The following RIMS2 variants were observed in gnomAD, a reference collection of about 807,000 sequenced individuals.
RIMS2 encodes regulating synaptic membrane exocytosis 2.
Under a neutral mutation model 174.4 loss-of-function variants are expected in RIMS2, and 59 were observed. The observed-to-expected ratio is 0.34, with a 90% confidence interval of 0.27 to 0.42. RIMS2 has a LOEUF of 0.42. Ranked by LOEUF, RIMS2 falls within the 10% of genes least tolerant of loss-of-function variation. The pLI, the probability that RIMS2 is intolerant of heterozygous loss-of-function variation, is 1.00. For synonymous variants in RIMS2, 606 were observed against 572.5 expected, an observed-to-expected ratio of 1.06 and a Z score of -0.84; for missense variants, 1,620 against 1,666.3, an observed-to-expected ratio of 0.97 and a Z score of 0.48.
chr8:103,572,350 C>T (rs932337280), intron 1 of RIMS2, among the ~76,000 whole-genome samples: 5 of 151,954 alleles, frequency 3.3e-5, no homozygotes, highest in Admixed American at 3.3e-4. Context: ...CTGCGCACGC[C>T]TTGCCGATTG....
At chr8:103,510,400 A>G (rs1044032964) in intron 1 of RIMS2, among the ~76,000 whole-genome samples, 8 of 152,142 alleles carry the variant, frequency 5.3e-5, no homozygotes, top group Non-Finnish European at 1.0e-4. Context: ...GAATTAATTA[A>G]TACTTCTATT....
chr8:103,781,738 C>CTT (rs11308922), intron 3 of RIMS2, among the ~76,000 whole-genome samples: 31 of 88,466 alleles, frequency 3.5e-4, no homozygotes, highest in African/African-American at 6.4e-4. Flanking sequence ...CTCCCCTAAT[C>CTT]TTTTTTTTTT....
In RIMS2 at chr8:104,157,377, T is replaced by C. The variant is rs992806325; in HGVS notation, c.3335-87539T>C. Among the ~76,000 whole-genome samples, 3 of 152,360 alleles carry C rather than the reference T, an allele frequency of 2.0e-5. No individual in the cohort carries two copies. In the East Asian group the frequency reaches 5.8e-4, roughly 29 times the overall value. On this transcript the variant is annotated intron_variant, in intron 19 of 23. Transcript: ENST00000504942. The stretch of plus-strand genomic sequence containing the variant: ...TCTAAAAAACATATTTTTAAAATAC[T>C]TTTAATTGTGGTAAAATACACGTGA...
At chr8:103,785,554 T>G (rs2154435747) in intron 3 of RIMS2, among the ~76,000 whole-genome samples, 1 of 152,300 alleles carries the variant, frequency 6.6e-6, no homozygotes, top group Admixed American at 6.5e-5. Flanking sequence ...TTGGTTCTGT[T>G]TATATGCTGG....
intron 3 of RIMS2, among the ~76,000 whole-genome samples, chr8:103,835,005 A>G (rs984567627): frequency 4.0e-5 from 6 of 151,828 alleles, no homozygotes; most frequent in African/African-American, 1.5e-4. Context: ...TCCTGGACTC[A>G]AGCGATCTGC....
At chr8:103,511,658 A>G (rs1826492079) in intron 1 of RIMS2, among the ~76,000 whole-genome samples, 1 of 152,236 alleles carries the variant, frequency 6.6e-6, no homozygotes, top group Non-Finnish European at 1.5e-5. Flanking sequence ...AATAAAGTAG[A>G]AAAAGAAAGT....
chr8:103,887,453 G>A (rs1209079697), intron 4 of RIMS2, among the ~76,000 whole-genome samples: 2 of 151,004 alleles, frequency 1.3e-5, no homozygotes. Flanking sequence ...ATCTTTAAAA[G>A]CTCTTTATTC....
chr8:103,752,920 T>C (rs200861099), intron 2 of RIMS2, among the ~76,000 whole-genome samples: 25,783 of 151,582 alleles, frequency 0.17, 3,392 homozygotes, highest in East Asian at 0.61. Context: ...ATTGAATACC[T>C]TTTATTTCCT....
intron 3 of RIMS2, among the ~76,000 whole-genome samples, chr8:103,780,175 T>A (rs2098372140): frequency 6.6e-6 from 1 of 152,160 alleles, no homozygotes; most frequent in East Asian, 1.9e-4. Context: ...TAGGATCCTC[T>A]CTTTATCCTT....
At chr8:104,015,359 G>A (rs2095870273) in intron 19 of RIMS2, 1 of 648,646 alleles carries the variant, frequency 1.5e-6, no homozygotes, top group Admixed American at 2.5e-5. Flanking sequence ...TAACCCCTGT[G>A]CTTTGGTTCC....
chr8:104,249,620 C>A, intron 22 of RIMS2, 32 bp downstream of exon 28: 1 of 1,191,890 alleles, frequency 8.4e-7, no homozygotes, highest in Non-Finnish European at 1.3e-6. Context: ...CTATTATTGT[C>A]CATAATCCAT....
At chr8:103,756,981 G>A (rs959636648) in intron 2 of RIMS2, among the ~76,000 whole-genome samples, 1 of 84,806 alleles carries the variant, frequency 1.2e-5, no homozygotes, top group Non-Finnish European at 2.5e-5. Flanking sequence ...GTGTGTGTCT[G>A]TGTGTGTGTG....
At chr8:103,863,635 TG>T (rs1350292940) in intron 3 of RIMS2, among the ~76,000 whole-genome samples, 4 of 152,046 alleles carry the variant, frequency 2.6e-5, no homozygotes. Flanking sequence ...TATTCATTTC[TG>T]GTCTGTTCAG....
chr8:104,127,010 T>A (rs976931728), intron 19 of RIMS2, among the ~76,000 whole-genome samples: 1 of 152,104 alleles, frequency 6.6e-6, no homozygotes, highest in African/African-American at 2.4e-5. Context: ...TATCTGAAAC[T>A]CAGAATAATA....
At position 103,769,627 on chromosome 8, in the gene RIMS2, C is replaced by T. The variant is rs185535506; in HGVS notation, c.698+3090C>T. On this transcript the variant is annotated intron_variant, in intron 3 of 23. Coordinates refer to ENST00000504942, the Ensembl canonical transcript of RIMS2. ...AGGCGTGAGCCACCGTGCCCGGTTG[C>T]CTATCTGTAATCTTTGAAGAAGGTG... Among the ~76,000 whole-genome samples, 6 of 151,898 alleles carry T rather than the reference C, an allele frequency of 4.0e-5. No homozygotes were observed. In the East Asian group the frequency reaches 9.7e-4, roughly 24 times the overall value.
chr8:103,755,391 C>T (rs192177188), intron 2 of RIMS2, among the ~76,000 whole-genome samples: 8 of 152,256 alleles, frequency 5.3e-5, no homozygotes, highest in African/African-American at 1.4e-4. Context: ...CTTGGTGTAT[C>T]TGACGATTAT....
At chr8:103,651,794 A>G (rs1177095858) in intron 1 of RIMS2, among the ~76,000 whole-genome samples, 1 of 151,972 alleles carries the variant, frequency 6.6e-6, no homozygotes, top group African/African-American at 2.4e-5. Flanking sequence ...CATTCGTAAA[A>G]CTCTATGTTT....
chr8:103,850,241 AG>A (rs1008002953), intron 3 of RIMS2, among the ~76,000 whole-genome samples: 122 of 152,234 alleles, frequency 8.0e-4, no homozygotes, highest in African/African-American at 2.8e-3. Flanking sequence ...TTACACAAAT[AG>A]AAAAATTTCC....
At chr8:103,565,195 G>A (rs533025440) in intron 1 of RIMS2, among the ~76,000 whole-genome samples, 2 of 152,308 alleles carry the variant, frequency 1.3e-5, no homozygotes, top group Admixed American at 6.5e-5. Context: ...TCTAGGTGCA[G>A]TTTATAAAAG....
Sources: gnomAD v4.1 joint callset for allele counts (sites outside exome capture counted in the v4.1 genomes callset) on GRCh38, gnomAD v4.1.1 for gene constraint, MANE v1.5 for transcripts, NCBI Gene and HGNC (gene_info 2026-07-23, HGNC 2026-07-21) for gene names.